Variants in SYT16 observed in about 807,000 individuals in gnomAD.
The protein encoded by SYT16 is synaptotagmin 16.
In SYT16, 42 loss-of-function variants were observed where a neutral mutation model predicts 61.4. That is an observed-to-expected ratio of 0.68 (90% CI 0.53 to 0.89). The LOEUF (loss-of-function observed/expected upper bound fraction) is 0.89, where lower values mean the gene tolerates loss of function less well. SYT16 is among the 40% of genes least tolerant of loss of function. The probability of loss-of-function intolerance (pLI) is 0.00; values close to 1 mark genes in which losing one functional copy is unlikely to be tolerated. For missense variants in SYT16, 804 were observed against 807.3 expected (o/e 1.00, Z 0.05); for synonymous variants, 314 against 302.3 (o/e 1.04, Z -0.40).
At chr14:61,823,112 C>A (rs2045663724) in intron 1 of SYT16, among the ~76,000 whole-genome samples, 1 of 152,102 alleles carries the variant, frequency 6.6e-6, no homozygotes. Context: ...CCTGCCTCAG[C>A]CTCCTGAGTA....
intron 5 of SYT16, among the ~76,000 whole-genome samples, chr14:62,078,970 A>G (rs2056612041): frequency 6.6e-6 from 1 of 152,224 alleles, no homozygotes. Context: ...CAATTTTTAT[A>G]GTCTGTAAAG....
At position 62,096,443 on chromosome 14, in the gene SYT16, C is replaced by G. The variant is rs181620678; in HGVS notation, c.1625-3951C>G. On this transcript the variant is annotated intron_variant, in intron 7 of 7. Transcript: ENST00000683842. ...CTTTTTAATTTTTGGTAATTATAAG[C>G]AATTAAATGTTCATTAACAGAATGA... 3.4e-3 allele frequency among the ~76,000 whole-genome samples: 520 copies of G among 151,654 alleles called. 2 individuals are homozygous for G. The highest frequency in any genetic ancestry group is 6.3e-3 in the Non-Finnish European group (428 of 67,860).
At chr14:62,078,106 G>GCTCTCT (rs138705547) in intron 5 of SYT16, among the ~76,000 whole-genome samples, 18 of 137,526 alleles carry the variant, frequency 1.3e-4, no homozygotes, top group South Asian at 9.7e-4. Flanking sequence ...TTGTGCGCTT[G>GCTCTCT]CTCTCTCTCT....
At chr14:61,833,905 G>C (rs1396537498) in intron 1 of SYT16, among the ~76,000 whole-genome samples, 1 of 149,042 alleles carries the variant, frequency 6.7e-6, no homozygotes. Flanking sequence ...CTTTTTCCCT[G>C]TGGAGTCCCA....
chr14:62,072,174 G>C (rs1433413491), intron 4 of SYT16, among the ~76,000 whole-genome samples: 1 of 152,060 alleles, frequency 6.6e-6, no homozygotes, highest in African/African-American at 2.4e-5. Flanking sequence ...TTTGTGTATG[G>C]AATAGTTATT....
At chr14:61,834,366 G>A (rs993133704) in intron 1 of SYT16, among the ~76,000 whole-genome samples, 1 of 149,314 alleles carries the variant, frequency 6.7e-6, no homozygotes, top group East Asian at 2.0e-4. Context: ...TCTTGGCCTC[G>A]TGATCTGCCT....
chr14:61,984,970 A>G (rs576473712), intron 2 of SYT16, among the ~76,000 whole-genome samples: 2 of 152,278 alleles, frequency 1.3e-5, no homozygotes, highest in South Asian at 4.2e-4. Context: ...CCTGAGAGAC[A>G]TCATGTACCA....
At chr14:61,880,672 A>G (rs1282002008) in intron 1 of SYT16, among the ~76,000 whole-genome samples, 1 of 152,148 alleles carries the variant, frequency 6.6e-6, no homozygotes, top group African/African-American at 2.4e-5. Flanking sequence ...TATAGGTTAA[A>G]TACATATTTT....
chr14:61,897,740 A>G (rs2048372792), intron 1 of SYT16, among the ~76,000 whole-genome samples: 4 of 152,148 alleles, frequency 2.6e-5, no homozygotes, highest in Admixed American at 2.6e-4. Flanking sequence ...GGAGGCAAGC[A>G]GAAGCCATCT....
rs557335611 is a variant in SYT16 at position 62,100,817 on chromosome 14, T to A, written c.*110T>A. Reference sequence around the variant, plus strand: ...TCAGGGTTTCAAAAACAGATTCCACTAACCCCTAGGACATTGTGAGTGGGA... The same window carrying A: ...TCAGGGTTTCAAAAACAGATTCCACAAACCCCTAGGACATTGTGAGTGGGA... On this transcript the variant is annotated 3_prime_UTR_variant, in exon 8 of 8. Transcript: ENST00000683842. The A allele has an allele frequency of 1.8e-6, 2 of 1,106,254 alleles. No homozygotes were observed. Among genetic ancestry groups the A allele is most frequent in the Non-Finnish European group, 2.5e-6 (2 of 788,438 alleles). 68.5% of individuals were successfully genotyped at this position (1,106,254 alleles called of 1,614,324 possible).
At chr14:62,047,722 A>G (rs917727639) in intron 3 of SYT16, among the ~76,000 whole-genome samples, 12 of 152,168 alleles carry the variant, frequency 7.9e-5, no homozygotes, top group Non-Finnish European at 1.5e-4. Flanking sequence ...TTCTGCATCT[A>G]TTGAGATAAT....
intron 2 of SYT16, among the ~76,000 whole-genome samples, chr14:61,992,171 T>C (rs1029840930): frequency 2.0e-5 from 3 of 152,130 alleles, no homozygotes; most frequent in Non-Finnish European, 4.4e-5. Context: ...CCTTTGATTG[T>C]AGATGAAGAG....
chr14:62,016,024 G>A (rs2140731247), intron 3 of SYT16, among the ~76,000 whole-genome samples: 1 of 152,278 alleles, frequency 6.6e-6, no homozygotes, highest in East Asian at 1.9e-4. Context: ...GGCTAACATG[G>A]TATCACCGTT....
At chr14:61,822,384 C>T (rs1485608865) in intron 1 of SYT16, among the ~76,000 whole-genome samples, 1 of 152,178 alleles carries the variant, frequency 6.6e-6, no homozygotes, top group Non-Finnish European at 1.5e-5. Context: ...GAGGGTTGGT[C>T]TGCTTCTCTT....
chr14:61,820,152 A>T (rs1045617431), intron 1 of SYT16, among the ~76,000 whole-genome samples: 1 of 152,258 alleles, frequency 6.6e-6, no homozygotes, highest in African/African-American at 2.4e-5. Context: ...TGCAGAACTC[A>T]GATTTTAAAT....
intron 7 of SYT16, among the ~76,000 whole-genome samples, chr14:62,089,411 T>C (rs2056997845): frequency 6.6e-6 from 1 of 152,146 alleles, no homozygotes; most frequent in African/African-American, 2.4e-5. Flanking sequence ...GGGAAAGTAT[T>C]TGGCTGGGCA....
rs78267354 is a variant in SYT16 at position 61,988,046 on chromosome 14, T to G, written c.-144-7830T>G. On this transcript the variant is annotated intron_variant, in intron 2 of 7. Coordinates refer to ENST00000683842, the MANE Select transcript of SYT16 (RefSeq NM_001367656.1). ...TTTGCCTTCTTCAATTTTATTACAT[T>G]TCCTCCTAATTATATTGCTTCATAC... Among the ~76,000 whole-genome samples the G allele has an allele frequency of 3.4e-3, 511 of 152,270 alleles. 1 individual carries two copies. Among genetic ancestry groups the G allele is most frequent in the African/African-American group, 0.012 (485 of 41,552 alleles).
At chr14:61,847,027 AGTT>A (rs1161616568) in intron 1 of SYT16, among the ~76,000 whole-genome samples, 4 of 152,174 alleles carry the variant, frequency 2.6e-5, no homozygotes, top group East Asian at 3.9e-4. Context: ...CATTTTGAAA[AGTT>A]GTTGTTATTA....
chr14:62,072,279 T>C (rs2056326492), intron 4 of SYT16, among the ~76,000 whole-genome samples: 1 of 152,198 alleles, frequency 6.6e-6, no homozygotes, highest in Non-Finnish European at 1.5e-5. Context: ...TTGTTTGAGA[T>C]GGTATATCTG....
Sources: allele counts gnomAD v4.1 joint callset (sites outside exome capture counted in the v4.1 genomes callset), GRCh38; gene constraint gnomAD v4.1.1; transcripts MANE v1.5; gene names NCBI Gene and HGNC (gene_info 2026-07-23, HGNC 2026-07-21).